SEC63: variants seen among roughly 807,000 people sequenced by gnomAD.
The protein encoded by SEC63 is SEC63 protein translocation regulator.
SEC63 carries 56 observed loss-of-function variants against 116.2 expected under a neutral mutation model. The ratio of observed to expected loss-of-function variants is 0.48; its 90% CI spans 0.39 to 0.60. SEC63 has a LOEUF of 0.60. Among genes scored for constraint, SEC63 ranks in the 20% least tolerant of loss-of-function variants. SEC63 has a pLI of 0.00. For synonymous variants in SEC63, 273 were observed against 294.6 expected (o/e 0.93, Z 0.75); for missense variants, 668 against 900.0 (o/e 0.74, Z 3.30).
intron 18 of SEC63, among the ~76,000 whole-genome samples, chr6:107,879,716 A>C (rs1786367186): frequency 7.8e-6 from 1 of 128,084 alleles, no homozygotes; most frequent in Admixed American, 1.0e-4. Flanking sequence ...TGATAAAATG[A>C]TTTTTATCTT....
intron 1 of SEC63, among the ~76,000 whole-genome samples, chr6:107,939,536 G>A (rs2114504106): frequency 6.6e-6 from 1 of 152,244 alleles, no homozygotes; most frequent in Admixed American, 6.5e-5. Context: ...CGGATCGCGT[G>A]AGGTCAGGAG....
chr6:107,905,778 T>A (rs558224893), intron 10 of SEC63, among the ~76,000 whole-genome samples: 1 of 152,358 alleles, frequency 6.6e-6, no homozygotes, highest in Admixed American at 6.5e-5. Flanking sequence ...TTTTGTATGA[T>A]CTGCAATTAA....
At chr6:107,910,461 T>C (rs112076596) in intron 7 of SEC63, among the ~76,000 whole-genome samples, 6 of 151,914 alleles carry the variant, frequency 3.9e-5, no homozygotes, top group African/African-American at 1.2e-4. Context: ...GTCTCAAAAA[T>C]AAATAAATAA....
intron 19 of SEC63, 53 bp from the exon 20 acceptor site, chr6:107,872,965 C>T: frequency 8.6e-7 from 1 of 1,164,212 alleles, no homozygotes; most frequent in Non-Finnish European, 1.3e-6. Context: ...GGAAACAGCT[C>T]ACTCCCTAAA....
At chr6:107,936,431 T>G (rs968817691) in intron 1 of SEC63, among the ~76,000 whole-genome samples, 5 of 152,226 alleles carry the variant, frequency 3.3e-5, no homozygotes, top group Admixed American at 1.3e-4. Context: ...CCAGACAGTT[T>G]TTTAATAAGA....
At position 107,911,124 on chromosome 6, in the gene SEC63, C is replaced by T. The variant is rs1272241442; in HGVS notation, c.624+222G>A. The T allele has an allele frequency of 1.8e-5, 10 of 558,552 alleles. No individual in the cohort carries two copies. The East Asian group carries it at 3.0e-4, about 17-fold the overall frequency. The allele number at this position is 558,552 out of a possible 1,614,324, so 34.6% of individuals were successfully genotyped here. On this transcript the variant is annotated intron_variant, in intron 7 of 20. Transcript: ENST00000369002. ...AATTTTTTTTTCAGTTGGGGTCTCA[C>T]TCTGTGGCCCAGGCTGGAGTGCAGA...
intron 1 of SEC63, among the ~76,000 whole-genome samples, chr6:107,935,200 C>CG (rs1397835757): frequency 1.8e-4 from 28 of 151,424 alleles, no homozygotes; most frequent in Admixed American, 1.5e-3. Context: ...GCCAGCCGCC[C>CG]GTCTGGGAGA....
At chr6:107,882,501 A>C (rs1470218036) in intron 17 of SEC63, among the ~76,000 whole-genome samples, 1 of 152,150 alleles carries the variant, frequency 6.6e-6, no homozygotes, top group Admixed American at 6.5e-5. Context: ...TCTTATATAC[A>C]CCCATGAAAC....
At chr6:107,925,875 A>G (rs1787663865) in intron 2 of SEC63, among the ~76,000 whole-genome samples, 1 of 152,092 alleles carries the variant, frequency 6.6e-6, no homozygotes, top group Non-Finnish European at 1.5e-5. Context: ...TTTTAGACGG[A>G]GTCTCGCTCT....
rs1583759241 is a variant in SEC63 at position 107,923,014 on chromosome 6, A to T, written c.340-1105T>A. ...TTTCTTTAAAAAAAAAAAAATTAATAAATAGGGAATACATACATATATATT... is the reference window on the plus strand; with the variant it reads ...TTTCTTTAAAAAAAAAAAAATTAATTAATAGGGAATACATACATATATATT... On this transcript the variant is annotated intron_variant, in intron 3 of 20. Coordinates refer to ENST00000369002, the MANE Select transcript of SEC63 (RefSeq NM_007214.5). Among the ~76,000 whole-genome samples the T allele has an allele frequency of 3.3e-5, 5 of 152,256 alleles. 1 individual carries two copies. The highest frequency in any genetic ancestry group is 2.1e-4 in the South Asian group (1 of 4,824).
chr6:107,919,492 A>C (rs552895808), intron 4 of SEC63, among the ~76,000 whole-genome samples: 1 of 152,288 alleles, frequency 6.6e-6, no homozygotes, highest in South Asian at 2.1e-4. Flanking sequence ...TAGTTGATAA[A>C]GCAGTGGCAG....
In SEC63 at chr6:107,914,076, G is replaced by GT. The variant is rs554845396; in HGVS notation, c.453-650dup. Among the ~76,000 whole-genome samples the GT allele has an allele frequency of 1.9e-3, 284 of 152,250 alleles. 1 individual carries two copies. The highest frequency in any genetic ancestry group is 6.2e-3 in the African/African-American group (257 of 41,558). Reference sequence around the variant, plus strand: ...ACCCAGGGAATGTGAAAGTTAAAGAGTAATTTTTAGATACCTAAAATGTAA... The same window carrying GT: ...ACCCAGGGAATGTGAAAGTTAAAGAGTTAATTTTTAGATACCTAAAATGTAA... On this transcript the variant is annotated intron_variant, in intron 4 of 20. Coordinates refer to ENST00000369002, the MANE Select transcript of SEC63 (RefSeq NM_007214.5).
rs905859579 is a variant in SEC63 at position 107,901,352 on chromosome 6, G to A, written c.1357+18C>T. On this transcript the variant is annotated intron_variant, in intron 13 of 20. Transcript: ENST00000369002. ...ATCAAAAGGGAAGCAATGCTCAACA[G>A]AGAAACCTCCCACTTACCCTGTGAT... The A allele has an allele frequency of 2.0e-5, 33 of 1,611,054 alleles. No individual in the cohort carries two copies. Among genetic ancestry groups the A allele is most frequent in the Non-Finnish European group, 2.7e-5 (32 of 1,178,910 alleles).
At chr6:107,925,736 T>C (rs1033742335) in intron 2 of SEC63, among the ~76,000 whole-genome samples, 1 of 152,232 alleles carries the variant, frequency 6.6e-6, no homozygotes, top group Non-Finnish European at 1.5e-5. Context: ...CGTTTTTCTA[T>C]CAAACCATTT....
intron 3 of SEC63, among the ~76,000 whole-genome samples, chr6:107,922,768 CAT>C (rs998689596): frequency 2.1e-4 from 32 of 152,062 alleles, no homozygotes; most frequent in African/African-American, 6.3e-4. Flanking sequence ...AAAAAAATCA[CAT>C]GATATGTAAA....
intron 19 of SEC63, among the ~76,000 whole-genome samples, chr6:107,875,327 T>C (rs577781932): frequency 1.3e-4 from 20 of 152,338 alleles, no homozygotes; most frequent in African/African-American, 4.8e-4. Flanking sequence ...TGTAAACAAC[T>C]GGTGAATACG....
chr6:107,931,290 C>T (rs146818213), intron 1 of SEC63, among the ~76,000 whole-genome samples: 1,643 of 150,100 alleles, frequency 0.011, 31 homozygotes, highest in African/African-American at 0.038. Context: ...CGCAGTGAGC[C>T]AAGATCACGC....
chr6:107,875,495 G>C (rs1786241880), intron 19 of SEC63, among the ~76,000 whole-genome samples: 1 of 152,108 alleles, frequency 6.6e-6, no homozygotes, highest in South Asian at 2.1e-4. Context: ...TCAGGAGTTT[G>C]AGACCAGCCT....
At chr6:107,894,481 A>T (rs1786767781) in intron 14 of SEC63, among the ~76,000 whole-genome samples, 1 of 144,364 alleles carries the variant, frequency 6.9e-6, no homozygotes. Context: ...TGAGACTAAC[A>T]TGGGCAACAG....
Sources: gnomAD v4.1 joint callset for allele counts (sites outside exome capture counted in the v4.1 genomes callset) on GRCh38, gnomAD v4.1.1 for gene constraint, MANE v1.5 for transcripts, NCBI Gene and HGNC (gene_info 2026-07-23, HGNC 2026-07-21) for gene names.